Variants in DOCK2 observed in about 807,000 individuals in gnomAD.
The protein encoded by DOCK2 is dedicator of cytokinesis protein 2.
DOCK2 carries 87 observed loss-of-function variants against 248.9 expected under a neutral mutation model. The observed-to-expected ratio is 0.35, with a 90% CI of 0.29 to 0.42. The LOEUF is 0.42. Ranked by LOEUF, DOCK2 falls within the 10% of genes least tolerant of loss-of-function variation. The probability of loss-of-function intolerance (pLI) is 1.00; values close to 1 mark genes in which losing one functional copy is unlikely to be tolerated. For synonymous variants in DOCK2, 805 were observed against 821.6 expected (o/e 0.98, Z 0.35); for missense variants, 1,747 against 2,300.2 (o/e 0.76, Z 4.92).
chr5:169,976,072 T>A (rs1348500164), intron 27 of DOCK2, among the ~76,000 whole-genome samples: 1 of 152,044 alleles, frequency 6.6e-6, no homozygotes, highest in Non-Finnish European at 1.5e-5. Context: ...ATGGAGGGGG[T>A]GGTCCCTATA....
At chr5:170,050,746 G>A (rs570094534) in intron 41 of DOCK2, among the ~76,000 whole-genome samples, 16 of 152,286 alleles carry the variant, frequency 1.1e-4, no homozygotes, top group African/African-American at 3.6e-4. Flanking sequence ...CTCCCACGGT[G>A]CCTGGTACAG....
intron 21 of DOCK2, among the ~76,000 whole-genome samples, chr5:169,717,855 A>T (rs1761988444): frequency 6.6e-6 from 1 of 152,190 alleles, no homozygotes; most frequent in South Asian, 2.1e-4. Context: ...TGAGGTCAGG[A>T]GTTGGAGACC....
At chr5:169,906,025 G>C (rs568646526) in intron 27 of DOCK2, among the ~76,000 whole-genome samples, 1 of 152,264 alleles carries the variant, frequency 6.6e-6, no homozygotes, top group Non-Finnish European at 1.5e-5. Flanking sequence ...ATCTCAGCAG[G>C]TGTTGACTGG....
intron 27 of DOCK2, 135 bp downstream of exon 27, chr5:169,840,987 T>A: frequency 1.0e-6 from 1 of 984,600 alleles, no homozygotes; most frequent in Non-Finnish European, 1.5e-6. Context: ...ACCAGATTTT[T>A]CCTGTCTGAG....
At chr5:169,959,737 A>G (rs961392084) in intron 27 of DOCK2, among the ~76,000 whole-genome samples, 2 of 152,250 alleles carry the variant, frequency 1.3e-5, no homozygotes, top group African/African-American at 4.8e-5. Flanking sequence ...AACAGGTGCC[A>G]TCCTAGTTAT....
intron 32 of DOCK2, among the ~76,000 whole-genome samples, chr5:170,015,889 T>G (rs140495280): frequency 0.019 from 2,814 of 148,708 alleles, 36 homozygotes; most frequent in Middle Eastern, 0.045. Flanking sequence ...CTTCCCTCCT[T>G]CCTTCCTTTC....
intron 1 of DOCK2, 148 bp downstream of exon 1, chr5:169,637,517 C>A: frequency 2.0e-5 from 19 of 963,352 alleles, no homozygotes; most frequent in Non-Finnish European, 2.6e-5. Flanking sequence ...GGCCTCGGGG[C>A]GGGAAAGCCG....
intron 26 of DOCK2, among the ~76,000 whole-genome samples, chr5:169,820,885 A>T (rs1443755361): frequency 2.0e-5 from 3 of 152,212 alleles, no homozygotes; most frequent in Non-Finnish European, 4.4e-5. Flanking sequence ...AGATTAGATG[A>T]ATGGCTAACT....
intron 27 of DOCK2, among the ~76,000 whole-genome samples, chr5:169,923,275 T>A (rs766459231): frequency 6.6e-6 from 1 of 152,254 alleles, no homozygotes; most frequent in Non-Finnish European, 1.5e-5. Flanking sequence ...GTGGTAAGCT[T>A]ATATGAATGG....
At chr5:170,008,841 G>A in intron 32 of DOCK2, 95 bp downstream of exon 32, 1 of 1,431,084 alleles carries the variant, frequency 7.0e-7, no homozygotes, top group Non-Finnish European at 9.9e-7. Context: ...TTTTAGCAGT[G>A]GGAGCATGAA....
intron 38 of DOCK2, among the ~76,000 whole-genome samples, chr5:170,044,893 C>A (rs1317562098): frequency 6.6e-6 from 1 of 152,070 alleles, no homozygotes; most frequent in African/African-American, 2.4e-5. Context: ...ATGGCTATCC[C>A]TAGAGATTGC....
At chr5:169,780,760 C>G (rs932311817) in intron 25 of DOCK2, among the ~76,000 whole-genome samples, 8 of 152,184 alleles carry the variant, frequency 5.3e-5, no homozygotes, top group African/African-American at 1.9e-4. Flanking sequence ...TACGTCTTCA[C>G]TTATTGTCAT....
At chr5:169,734,101 G>T in intron 22 of DOCK2, among the ~76,000 whole-genome samples, 1 of 151,372 alleles carries the variant, frequency 6.6e-6, no homozygotes, top group African/African-American at 2.4e-5. Context: ...GGTTCATTCT[G>T]CCTAATTTCT....
At chr5:169,977,256 C>T (rs984915143) in intron 27 of DOCK2, among the ~76,000 whole-genome samples, 10 of 152,264 alleles carry the variant, frequency 6.6e-5, no homozygotes, top group East Asian at 1.9e-4. Flanking sequence ...GCATGTTCAG[C>T]GGCAGAGGCT....
chr5:169,747,781 G>A (rs1267562399), intron 23 of DOCK2, among the ~76,000 whole-genome samples: 4 of 152,194 alleles, frequency 2.6e-5, no homozygotes, highest in Non-Finnish European at 5.9e-5. Context: ...CCAATGGAGA[G>A]AACAGTTCAT....
chr5:169,675,890 G>A (rs1581015358), intron 6 of DOCK2, among the ~76,000 whole-genome samples: 1 of 152,322 alleles, frequency 6.6e-6, no homozygotes, highest in East Asian at 1.9e-4. Flanking sequence ...CAGTCCCTCT[G>A]CTGATGCCCC....
chr5:170,008,453 C>T (rs774818723), intron 30 of DOCK2, 44 bp from the exon 31 acceptor site: 8 of 1,606,864 alleles, frequency 5.0e-6, no homozygotes, highest in Non-Finnish European at 6.8e-6. Flanking sequence ...TGCCTTCCCG[C>T]TTCAGACCCT....
At chr5:169,729,220 C>T (rs558961620) in intron 22 of DOCK2, among the ~76,000 whole-genome samples, 13 of 152,254 alleles carry the variant, frequency 8.5e-5, no homozygotes, top group African/African-American at 3.1e-4. Context: ...GTGAAATTTG[C>T]CATGCTAACG....
At chr5:170,073,390 T>C (rs1290968972) in intron 46 of DOCK2, among the ~76,000 whole-genome samples, 1 of 152,342 alleles carries the variant, frequency 6.6e-6, no homozygotes, top group Admixed American at 6.5e-5. Context: ...TGTACCCCAA[T>C]TGTTGCTTTT....
Sources: gnomAD v4.1 joint callset for allele counts (sites outside exome capture counted in the v4.1 genomes callset) on GRCh38, gnomAD v4.1.1 for gene constraint, MANE v1.5 for transcripts, NCBI Gene and HGNC (gene_info 2026-07-23, HGNC 2026-07-21) for gene names.